The following COL24A1 variants were observed in gnomAD, a reference collection of about 807,000 sequenced individuals.
The protein encoded by COL24A1 is collagen type XXIV alpha 1 chain.
COL24A1 carries 224 observed loss-of-function variants against 253.9 expected under a neutral mutation model. That is an observed-to-expected ratio of 0.88 (90% CI 0.79 to 0.99). The LOEUF (loss-of-function observed/expected upper bound fraction) is 0.99. Among genes scored for constraint, COL24A1 ranks in the 50% least tolerant of loss-of-function variants. COL24A1 has a pLI of 0.00. For missense variants in COL24A1, 2,131 were observed against 2,068.5 expected, an observed-to-expected ratio of 1.03 and a Z score of -0.59; for synonymous variants, 685 against 673.7, an observed-to-expected ratio of 1.02 and a Z score of -0.26.
chr1:85,739,832 C>T (rs74549369), intron 57 of COL24A1, among the ~76,000 whole-genome samples: 6,353 of 152,190 alleles, frequency 0.042, 482 homozygotes, highest in African/African-American at 0.14. Context: ...CTTACTTTAA[C>T]CATTAACTTC....
rs1190887796 is a variant in COL24A1, at chr1:86,109,090, T to C, written c.1599+3477A>G. Among the ~76,000 whole-genome samples the C allele has an allele frequency of 3.9e-5, 6 of 152,156 alleles. No homozygotes were observed. The East Asian group carries it at 9.6e-4, about 24-fold the overall frequency. ...TAAACTCACTATAAATTCAGCCCTG[T>C]GGAGAAATATAATCTGAGCCCTTAC... On this transcript the variant is annotated intron_variant, in intron 5 of 59. Coordinates refer to ENST00000370571, the MANE Select transcript of COL24A1 (RefSeq NM_152890.7).
intron 49 of COL24A1, 35 bp downstream of exon 49, chr1:85,784,222 GAA>G: frequency 6.2e-7 from 1 of 1,610,148 alleles, no homozygotes; most frequent in Non-Finnish European, 8.5e-7. Flanking sequence ...CTGCTCTGTA[GAA>G]TAAATGCTTG....
At chr1:86,139,566 C>T (rs1205886163) in intron 2 of COL24A1, among the ~76,000 whole-genome samples, 3 of 151,996 alleles carry the variant, frequency 2.0e-5, no homozygotes, top group East Asian at 3.9e-4. Flanking sequence ...AGAAAGTTAC[C>T]AATTTTTAGA....
intron 39 of COL24A1, among the ~76,000 whole-genome samples, chr1:85,845,245 TACAA>T (rs1677039966): frequency 6.6e-6 from 1 of 151,886 alleles, no homozygotes; most frequent in African/African-American, 2.4e-5. Context: ...TTCTTATATT[TACAA>T]ACAAAGGAGA....
intron 37 of COL24A1, among the ~76,000 whole-genome samples, chr1:85,861,582 G>A (rs1871763): frequency 0.027 from 4,138 of 152,198 alleles, 181 homozygotes; most frequent in African/African-American, 0.094. Context: ...GTAGAAGGAA[G>A]GGTTCAACTT....
rs1012017075 is a variant in COL24A1, at chr1:85,816,850, C to T, written c.3889G>A (p.Gly1297Arg). Residue 1297 changes from glycine (G) to arginine (R), a missense_variant, in exon 47 of 60, where the codon GGA (glycine) becomes AGA (arginine). Gly to Arg is a moderately radical substitution (Grantham distance 125, BLOSUM62 -2). Coordinates refer to ENST00000370571, the MANE Select transcript of COL24A1 (RefSeq NM_152890.7). ...GGGTTTCCTGAAATGCCATCTGCTCCATGGTATCCTTGTATGCCTTTTGGC... is the reference window on the plus strand; with the variant it reads ...GGGTTTCCTGAAATGCCATCTGCTCTATGGTATCCTTGTATGCCTTTTGGC... ...LGPKGIQGYHGADGISGNPGK... is the reference protein window; with the variant it reads ...LGPKGIQGYHRADGISGNPGK... 1.2e-6 allele frequency: 2 copies of T among 1,613,934 alleles called. No individual in the cohort carries two copies. Among genetic ancestry groups the T allele is most frequent in the Non-Finnish European group, 1.7e-6 (2 of 1,179,932 alleles).
At chr1:85,978,489 T>A (rs906390892) in intron 20 of COL24A1, among the ~76,000 whole-genome samples, 1 of 151,574 alleles carries the variant, frequency 6.6e-6, no homozygotes, top group East Asian at 1.9e-4. Flanking sequence ...ACCTAACACA[T>A]AAGGACTCAA....
intron 48 of COL24A1, among the ~76,000 whole-genome samples, chr1:85,786,096 G>T (rs907963372): frequency 1.3e-5 from 2 of 152,206 alleles, no homozygotes; most frequent in South Asian, 2.1e-4. Context: ...GAACAAAAAT[G>T]AGTCAAAGAC....
intron 5 of COL24A1, among the ~76,000 whole-genome samples, chr1:86,112,147 G>T (rs1705684541): frequency 1.3e-5 from 2 of 151,290 alleles, no homozygotes; most frequent in African/African-American, 4.9e-5. Context: ...AACATCCTCG[G>T]TTTTTTTTCA....
chr1:86,148,505 C>T (rs1324275839), intron 1 of COL24A1, among the ~76,000 whole-genome samples: 1 of 151,992 alleles, frequency 6.6e-6, no homozygotes. Context: ...CCCCTTCCCC[C>T]CACCCCACAA....
At chr1:85,758,985 C>G (rs562182117) in intron 55 of COL24A1, among the ~76,000 whole-genome samples, 30 of 29,136 alleles carry the variant, frequency 1.0e-3, no homozygotes, top group African/African-American at 1.6e-3. Flanking sequence ...TTAAGCAGTC[C>G]CTCCCCAATA....
At chr1:85,783,254 T>C (rs549420911) in intron 51 of COL24A1, among the ~76,000 whole-genome samples, 7 of 149,368 alleles carry the variant, frequency 4.7e-5, no homozygotes, top group Non-Finnish European at 1.0e-4. Context: ...TTCACAGTAA[T>C]TCTGATGATT....
At chr1:85,898,257 A>G (rs1009261271) in intron 28 of COL24A1, among the ~76,000 whole-genome samples, 2 of 152,170 alleles carry the variant, frequency 1.3e-5, no homozygotes, top group Non-Finnish European at 2.9e-5. Context: ...AGGCTTCAGA[A>G]TCTTCTCTTG....
chr1:85,905,572 C>T (rs1041993029), intron 28 of COL24A1, among the ~76,000 whole-genome samples: 4 of 151,956 alleles, frequency 2.6e-5, no homozygotes, highest in African/African-American at 9.7e-5. Flanking sequence ...AACAAATCTT[C>T]CTTGTCTGGA....
At chr1:85,953,542 C>CTCTA (rs1336751333) in intron 24 of COL24A1, among the ~76,000 whole-genome samples, 1 of 152,152 alleles carries the variant, frequency 6.6e-6, no homozygotes, top group Non-Finnish European at 1.5e-5. Context: ...TTACTGTTAT[C>CTCTA]TCTAGCACAC....
chr1:86,146,266 A>T (rs182504911), intron 1 of COL24A1, 83 bp from the exon 2 acceptor site: 2 of 986,666 alleles, frequency 2.0e-6, no homozygotes, highest in Non-Finnish European at 3.1e-6. Flanking sequence ...TCTATGCAAG[A>T]TTAAGAATTA....
At position 85,968,049 on chromosome 1, in the gene COL24A1, T is replaced by C. The variant is rs1413468621; in HGVS notation, c.2463+2178A>G. Among the ~76,000 whole-genome samples, 6 of 152,212 alleles carry C rather than the reference T, an allele frequency of 3.9e-5. 1 individual carries two copies. In the East Asian group the frequency reaches 9.6e-4, roughly 24 times the overall value. ...AAAAGGAGAGACTGCCCTAGCCTCC[T>C]AGCCTACATCTTTCTCCCATGCTGG... On this transcript the variant is annotated intron_variant, in intron 22 of 59. Coordinates refer to ENST00000370571, the MANE Select transcript of COL24A1 (RefSeq NM_152890.7).
intron 37 of COL24A1, among the ~76,000 whole-genome samples, chr1:85,865,486 T>A (rs1481496913): frequency 6.6e-6 from 1 of 152,114 alleles, no homozygotes; most frequent in Non-Finnish European, 1.5e-5. Context: ...CTGGGAAAAA[T>A]TATGAAGCAG....
chr1:85,949,177 A>T (rs1689654223), intron 24 of COL24A1, among the ~76,000 whole-genome samples: 2 of 152,114 alleles, frequency 1.3e-5, no homozygotes, highest in Admixed American at 1.3e-4. Flanking sequence ...TCACTTTTTC[A>T]TTCAACAAAT....
Sources: gnomAD v4.1 joint callset for allele counts (sites outside exome capture counted in the v4.1 genomes callset) on GRCh38, gnomAD v4.1.1 for gene constraint, MANE v1.5 for transcripts, NCBI Gene and HGNC (gene_info 2026-07-23, HGNC 2026-07-21) for gene names.